CDH18: variants seen among roughly 807,000 people sequenced by gnomAD.
CDH18 encodes the protein cadherin-18.
Under a neutral mutation model 67.9 loss-of-function variants are expected in CDH18, and 31 were observed. The observed-to-expected ratio is 0.46, with a 90% CI of 0.34 to 0.62. The LOEUF (loss-of-function observed/expected upper bound fraction) is 0.62. CDH18 is among the 20% of genes least tolerant of loss of function. The pLI is 0.01. For missense variants in CDH18, 890 were observed against 975.5 expected (o/e 0.91, Z 1.17); for synonymous variants, 362 against 347.2 (o/e 1.04, Z -0.48).
Position 19,607,134 on chromosome 5 carries a change from T to C in CDH18, c.811+5300A>G, listed in dbSNP as rs537039003. Reference sequence around the variant, plus strand: ...TATATAGAAAAGCTGAGAAAATTCATTGGCAGTTTTCTGTCACTAAAAATG... The same window carrying C: ...TATATAGAAAAGCTGAGAAAATTCACTGGCAGTTTTCTGTCACTAAAAATG... On this transcript the variant is annotated intron_variant, in intron 6 of 12. Coordinates refer to ENST00000382275, the MANE Select transcript of CDH18 (RefSeq NM_004934.5). 1.3e-3 allele frequency among the ~76,000 whole-genome samples: 203 copies of C among 151,794 alleles called. 1 individual carries two copies. The highest frequency in any genetic ancestry group is 4.2e-3 in the African/African-American group (176 of 41,536).
intron 10 of CDH18, among the ~76,000 whole-genome samples, chr5:19,518,559 G>A (rs1402216578): frequency 1.3e-5 from 2 of 149,782 alleles, no homozygotes; most frequent in African/African-American, 5.0e-5. Flanking sequence ...GGCAGAAGAT[G>A]GAAGAGCAGA....
At chr5:19,910,514 T>C (rs926867050) in intron 2 of CDH18, among the ~76,000 whole-genome samples, 4 of 152,206 alleles carry the variant, frequency 2.6e-5, no homozygotes, top group African/African-American at 9.6e-5. Context: ...GATTCACAAA[T>C]GCATATGGTC....
intron 2 of CDH18, among the ~76,000 whole-genome samples, chr5:19,967,007 C>T (rs1370367578): frequency 1.3e-5 from 2 of 151,490 alleles, no homozygotes; most frequent in East Asian, 1.9e-4. Context: ...AATATATTTG[C>T]AACAAGACCA....
At chr5:19,511,623 G>A (rs1041233362) in intron 10 of CDH18, among the ~76,000 whole-genome samples, 1 of 152,140 alleles carries the variant, frequency 6.6e-6, no homozygotes, top group East Asian at 1.9e-4. Flanking sequence ...GTGGCATTTT[G>A]CCCCTGCTCT....
At chr5:19,941,768 C>T (rs1794844600) in intron 2 of CDH18, among the ~76,000 whole-genome samples, 1 of 151,922 alleles carries the variant, frequency 6.6e-6, no homozygotes, top group African/African-American at 2.4e-5. Flanking sequence ...TCCTGGGTGA[C>T]AGAGCAAAAC....
intron 2 of CDH18, among the ~76,000 whole-genome samples, chr5:19,997,620 CTTT>C (rs1372647333): frequency 6.6e-6 from 1 of 152,072 alleles, no homozygotes; most frequent in African/African-American, 2.4e-5. Context: ...ACTCTAAAGT[CTTT>C]GAGAACCAAC....
At chr5:19,699,961 T>G (rs1160862231) in intron 5 of CDH18, among the ~76,000 whole-genome samples, 2 of 152,112 alleles carry the variant, frequency 1.3e-5, no homozygotes, top group Non-Finnish European at 2.9e-5. Context: ...GTAACAAAAG[T>G]GTACTTGTAC....
intron 2 of CDH18, among the ~76,000 whole-genome samples, chr5:20,045,113 T>C (rs1052375143): frequency 6.6e-6 from 1 of 152,164 alleles, no homozygotes; most frequent in African/African-American, 2.4e-5. Context: ...ACAATAATGT[T>C]TTTGTTCTCT....
chr5:20,456,981 C>T (rs78784641), intron 1 of CDH18, among the ~76,000 whole-genome samples: 242 of 152,244 alleles, frequency 1.6e-3, no homozygotes, highest in Non-Finnish European at 2.4e-3. Flanking sequence ...ATTATGTGTA[C>T]ATGTTCTAAC....
intron 1 of CDH18, among the ~76,000 whole-genome samples, chr5:20,275,441 T>C (rs1203392060): frequency 6.6e-6 from 1 of 152,182 alleles, no homozygotes; most frequent in African/African-American, 2.4e-5. Flanking sequence ...CCTGCTCAAC[T>C]GTGAGTCAGG....
At chr5:20,336,753 A>AAAAAAAAAAAAAAAC (rs1739805813) in intron 1 of CDH18, among the ~76,000 whole-genome samples, 1 of 134,198 alleles carries the variant, frequency 7.5e-6, no homozygotes, top group Admixed American at 7.6e-5. Flanking sequence ...AAAAAAAAAA[A>AAAAAAAAAAAAAAAC]AAGAACTTTT....
At chr5:19,844,838 A>G (rs1410175091) in intron 2 of CDH18, among the ~76,000 whole-genome samples, 1 of 152,186 alleles carries the variant, frequency 6.6e-6, no homozygotes, top group Non-Finnish European at 1.5e-5. Flanking sequence ...CTAGCTGTCT[A>G]AATTCCATTG....
chr5:20,336,724 CAAAAAAAA>C (rs59083214), intron 1 of CDH18, among the ~76,000 whole-genome samples: 54 of 63,480 alleles, frequency 8.5e-4, no homozygotes, highest in African/African-American at 1.9e-3. Context: ...GCCTCTGTCT[CAAAAAAAA>C]AAAAAAAAAA....
chr5:19,493,001 T>G (rs1741715100), intron 11 of CDH18, among the ~76,000 whole-genome samples: 1 of 152,140 alleles, frequency 6.6e-6, no homozygotes, highest in African/African-American at 2.4e-5. Context: ...TTTGCTACAT[T>G]TCCCTCTCTA....
intron 2 of CDH18, among the ~76,000 whole-genome samples, chr5:20,050,861 C>A (rs553503047): frequency 6.6e-6 from 1 of 151,878 alleles, no homozygotes; most frequent in African/African-American, 2.4e-5. Flanking sequence ...CTTCAGAAAT[C>A]AAGTCTTTCT....
intron 5 of CDH18, among the ~76,000 whole-genome samples, chr5:19,691,594 G>A (rs1761899184): frequency 6.6e-6 from 1 of 151,664 alleles, no homozygotes; most frequent in African/African-American, 2.4e-5. Flanking sequence ...CACTAATAAT[G>A]AGCTAGCTAA....
intron 2 of CDH18, among the ~76,000 whole-genome samples, chr5:20,075,861 C>G (rs965588819): frequency 6.6e-6 from 1 of 152,004 alleles, no homozygotes; most frequent in Non-Finnish European, 1.5e-5. Flanking sequence ...GCCATGTTCA[C>G]AGATAAAAAT....
intron 5 of CDH18, among the ~76,000 whole-genome samples, chr5:19,632,451 T>C (rs1249017946): frequency 1.3e-5 from 2 of 152,234 alleles, no homozygotes; most frequent in South Asian, 2.1e-4. Flanking sequence ...CTTACCCAAA[T>C]GTACAGTTAT....
chr5:19,721,507 T>C, intron 4 of CDH18, 41 bp from the exon 5 acceptor site: 1 of 1,583,144 alleles, frequency 6.3e-7, no homozygotes, highest in Non-Finnish European at 8.6e-7. Context: ...GTGATGGCAT[T>C]TAGCATATGA....
Sources: allele counts gnomAD v4.1 joint callset (sites outside exome capture counted in the v4.1 genomes callset), GRCh38; gene constraint gnomAD v4.1.1; transcripts MANE v1.5; gene names NCBI Gene and HGNC (gene_info 2026-07-23, HGNC 2026-07-21).